PARP8: variants seen among roughly 807,000 people sequenced by gnomAD.
The protein encoded by PARP8 is poly(ADP-ribose) polymerase family member 8, also known as protein mono-ADP-ribosyltransferase PARP8.
PARP8 carries 51 observed loss-of-function variants against 124.1 expected under a neutral mutation model. That is an observed-to-expected ratio of 0.41 (90% confidence interval 0.33 to 0.52). The LOEUF (loss-of-function observed/expected upper bound fraction) is 0.52. Ranked by LOEUF, PARP8 falls within the 20% of genes least tolerant of loss-of-function variation. The pLI, the probability that PARP8 is intolerant of heterozygous loss-of-function variation, is 0.21. For synonymous variants in PARP8, 391 were observed against 361.5 expected (o/e 1.08, Z -0.93); for missense variants, 860 against 1,018.9 (o/e 0.84, Z 2.12).
chr5:50,751,359 T>C (rs1156686296), intron 3 of PARP8, among the ~76,000 whole-genome samples: 1 of 152,184 alleles, frequency 6.6e-6, no homozygotes, highest in Non-Finnish European at 1.5e-5. Context: ...CTCTTTTTAC[T>C]GAATTCTCTA....
intron 2 of PARP8, among the ~76,000 whole-genome samples, chr5:50,729,548 C>T (rs1209905193): frequency 2.0e-5 from 3 of 152,106 alleles, no homozygotes; most frequent in African/African-American, 7.2e-5. Context: ...ATAAAAGGAA[C>T]AGATAGATGG....
rs192327445 is a variant in PARP8 at position 50,735,685 on chromosome 5, A to G, written c.147-14466A>G. Among the ~76,000 whole-genome samples the G allele has an allele frequency of 6.1e-4, 93 of 152,316 alleles. No homozygotes were observed. In the Middle Eastern group the frequency reaches 0.014, roughly 22 times the overall value. On this transcript the variant is annotated intron_variant, in intron 2 of 25. Transcript: ENST00000281631. ...GAACATCTCTTAAGATGCAACCTGC[A>G]CATATATTGAGCATCTGGGACACAA...
chr5:50,744,075 C>T (rs982184067), intron 2 of PARP8, among the ~76,000 whole-genome samples: 16 of 152,152 alleles, frequency 1.1e-4, no homozygotes, highest in South Asian at 2.1e-4. Flanking sequence ...AGGAGTTTGA[C>T]GTTACAGATG....
rs201326709 is a variant in PARP8 at position 50,749,185 on chromosome 5, C to T, written c.147-966C>T. On this transcript the variant is annotated intron_variant, in intron 2 of 25. Coordinates refer to ENST00000281631, the MANE Select transcript of PARP8 (RefSeq NM_024615.4). ...GTGATTTCTGATTATATTGGATTCA[C>T]CCTGTGAATGATGCTTTGAGTAGAT... 5.3e-5 allele frequency among the ~76,000 whole-genome samples: 8 copies of T among 152,176 alleles called. No homozygotes were observed. In the East Asian group the frequency reaches 1.5e-3, roughly 29 times the overall value.
At chr5:50,733,872 C>G (rs182230) in intron 2 of PARP8, among the ~76,000 whole-genome samples, 136,019 of 152,180 alleles carry the variant, frequency 0.89, 60,830 homozygotes, top group East Asian at 0.96. Flanking sequence ...CCTTAAATCT[C>G]TACTACTTAC....
intron 25 of PARP8, among the ~76,000 whole-genome samples, chr5:50,839,743 C>T (rs1747972878): frequency 6.6e-6 from 1 of 151,700 alleles, no homozygotes; most frequent in African/African-American, 2.4e-5. Context: ...CTCTCTTCCT[C>T]TGTGCTCTTT....
intron 3 of PARP8, among the ~76,000 whole-genome samples, chr5:50,755,492 G>T (rs181045783): frequency 2.0e-5 from 3 of 152,260 alleles, no homozygotes; most frequent in Admixed American, 2.0e-4. Flanking sequence ...GATGGTTGTA[G>T]ATGTGTGGTA....
chr5:50,795,470 A>G, intron 12 of PARP8, 53 bp downstream of exon 12: 1 of 1,437,420 alleles, frequency 7.0e-7, no homozygotes, highest in Non-Finnish European at 9.3e-7. Flanking sequence ...GGTGCAGTAG[A>G]ATTTTTTTTT....
chr5:50,799,698 A>G (rs1742977649), intron 14 of PARP8, among the ~76,000 whole-genome samples: 1 of 152,200 alleles, frequency 6.6e-6, no homozygotes, highest in South Asian at 2.1e-4. Flanking sequence ...GAATTCATAC[A>G]TTGAAATCCT....
At chr5:50,714,780 C>T (rs974045543) in intron 2 of PARP8, among the ~76,000 whole-genome samples, 3 of 151,994 alleles carry the variant, frequency 2.0e-5, no homozygotes, top group African/African-American at 7.2e-5. Context: ...CTGATTTTAG[C>T]CTCCCTCCTG....
At chr5:50,717,192 C>A (rs1269135490) in intron 2 of PARP8, among the ~76,000 whole-genome samples, 9 of 151,522 alleles carry the variant, frequency 5.9e-5, no homozygotes, top group Admixed American at 2.6e-4. Flanking sequence ...TTTGGAAAAA[C>A]GAAGTTAACA....
chr5:50,818,663 G>A (rs1238056172), intron 15 of PARP8, among the ~76,000 whole-genome samples: 9 of 151,564 alleles, frequency 5.9e-5, no homozygotes, highest in African/African-American at 2.2e-4. Context: ...ACAGGCCTGA[G>A]CCACCACACC....
intron 14 of PARP8, among the ~76,000 whole-genome samples, chr5:50,810,261 A>G (rs74967102): frequency 0.022 from 3,345 of 152,058 alleles, 125 homozygotes; most frequent in African/African-American, 0.076. Context: ...TAATATTAAG[A>G]ATAGGTAGTA....
At chr5:50,724,071 C>T (rs1046469041) in intron 2 of PARP8, among the ~76,000 whole-genome samples, 19 of 152,078 alleles carry the variant, frequency 1.2e-4, no homozygotes, top group Admixed American at 9.2e-4. Flanking sequence ...GTCCACCCTA[C>T]TCGGCCTCCT....
chr5:50,675,385 A>C (rs1171043395), intron 2 of PARP8, among the ~76,000 whole-genome samples: 1 of 151,896 alleles, frequency 6.6e-6, no homozygotes, highest in Non-Finnish European at 1.5e-5. Context: ...GCTCGCTGCA[A>C]CCTCCGCCCC....
intron 2 of PARP8, among the ~76,000 whole-genome samples, chr5:50,729,903 C>T (rs1756810445): frequency 6.6e-6 from 1 of 152,082 alleles, no homozygotes; most frequent in South Asian, 2.1e-4. Flanking sequence ...TATTAAATGT[C>T]GGTTAGCTGA....
chr5:50,667,172 A>G lies in PARP8; in HGVS notation c.77A>G (p.Asp26Gly), dbSNP rs1364955470. ...VVIQKSRAEK[D>G]CLFADFRYSD... ...ATCCAGAAGTCCAGAGCTGAGAAGG[A>G]CTGCCTGTTTGCAGGTGAGTTCTTG... is the stretch of plus-strand genomic sequence containing the variant. Residue 26 changes from aspartate (D) to glycine (G), a missense_variant, in exon 1 of 26, where the codon GAC (aspartate) becomes GGC (glycine). Asp to Gly is a moderately conservative substitution (Grantham distance 94). Transcript: ENST00000281631. 1.2e-5 allele frequency: 19 copies of G among 1,596,364 alleles called. No individual in the cohort carries two copies. Among genetic ancestry groups the G allele is most frequent in the Non-Finnish European group, 1.6e-5 (19 of 1,179,772 alleles).
rs1748503719 is a variant in PARP8 at position 50,844,914 on chromosome 5, C to T, written c.*2846C>T. The T allele has an allele frequency of 2.0e-5, 3 of 150,768 alleles. No individual in the cohort carries two copies. Among genetic ancestry groups the T allele is most frequent in the Non-Finnish European group, 3.0e-5 (2 of 67,558 alleles). The allele number at this position is 150,768 out of a possible 1,614,324, so 9.3% of individuals were successfully genotyped here. A position where few individuals can be genotyped will look rare whatever the true frequency, so the allele number is the denominator to read the frequency against. ...TATAGTAAGACACTTTTGGTGTCTT[C>T]GAGTGCACTATGTTGGAATAAATTT... is the stretch of plus-strand genomic sequence containing the variant. On this transcript the variant is annotated 3_prime_UTR_variant, in exon 26 of 26. Transcript: ENST00000281631.
intron 2 of PARP8, among the ~76,000 whole-genome samples, chr5:50,685,611 T>C (rs551448885): frequency 1.4e-4 from 21 of 152,342 alleles, no homozygotes; most frequent in Admixed American, 1.3e-3. Flanking sequence ...ATTTTATTTT[T>C]ATAGAGATAG....
Sources: gnomAD v4.1 joint callset for allele counts (sites outside exome capture counted in the v4.1 genomes callset) on GRCh38, gnomAD v4.1.1 for gene constraint, MANE v1.5 for transcripts, NCBI Gene and HGNC (gene_info 2026-07-23, HGNC 2026-07-21) for gene names.